Variants in EPB41 observed in about 807,000 individuals in gnomAD.
The protein encoded by EPB41 is erythrocyte membrane protein band 4.1, also known as protein 4.1.
Under a neutral mutation model 108.0 loss-of-function variants are expected in EPB41, and 65 were observed. That is an observed-to-expected ratio of 0.60 (90% CI 0.49 to 0.74). The LOEUF is 0.74. EPB41 is among the 30% of genes least tolerant of loss of function. EPB41 has a pLI of 0.00. For missense variants in EPB41, 875 were observed against 1,037.0 expected (o/e 0.84, Z 2.15); for synonymous variants, 336 against 358.9 (o/e 0.94, Z 0.72).
chr1:28,995,556 G>A (rs925780974), intron 3 of EPB41, among the ~76,000 whole-genome samples: 2 of 152,086 alleles, frequency 1.3e-5, no homozygotes, highest in East Asian at 1.9e-4. Flanking sequence ...GTGAGACTCC[G>A]TCTCAAAACA....
chr1:28,925,634 A>C (rs2093404943), intron 1 of EPB41, among the ~76,000 whole-genome samples: 1 of 152,164 alleles, frequency 6.6e-6, no homozygotes, highest in African/African-American at 2.4e-5. Flanking sequence ...GGGGAAGAGC[A>C]TCCCAGGCAG....
chr1:29,040,270 T>C (rs1163646676), intron 11 of EPB41, among the ~76,000 whole-genome samples: 1 of 152,008 alleles, frequency 6.6e-6, no homozygotes. Flanking sequence ...CAACAATCTT[T>C]TTTTTTTTCT....
intron 1 of EPB41, among the ~76,000 whole-genome samples, chr1:28,929,173 G>A (rs552004978): frequency 2.6e-5 from 4 of 151,846 alleles, no homozygotes; most frequent in African/African-American, 7.2e-5. Context: ...AATCTCACTG[G>A]TACTTGACTT....
intron 11 of EPB41, among the ~76,000 whole-genome samples, chr1:29,045,387 T>G (rs1166513296): frequency 1.3e-5 from 2 of 152,094 alleles, no homozygotes; most frequent in Non-Finnish European, 1.5e-5. Context: ...AGGGTCTCAC[T>G]CTGTCATCCA....
chr1:28,966,153 T>G (rs1277128975), intron 1 of EPB41, among the ~76,000 whole-genome samples: 2 of 150,690 alleles, frequency 1.3e-5, no homozygotes, highest in Non-Finnish European at 3.0e-5. Flanking sequence ...GCCTTTGCAT[T>G]CCAGCCTGGG....
At chr1:29,030,329 A>T in intron 7 of EPB41, 71 bp from the exon 8 acceptor site, 1 of 1,164,492 alleles carries the variant, frequency 8.6e-7, no homozygotes, top group Non-Finnish European at 1.3e-6. Context: ...AAATACAGTG[A>T]ATATATAAAT....
At chr1:29,055,953 A>G (rs1401875188) in intron 12 of EPB41, among the ~76,000 whole-genome samples, 2 of 122,302 alleles carry the variant, frequency 1.6e-5, no homozygotes, top group East Asian at 2.7e-4. Flanking sequence ...AAAAAAAAAA[A>G]GGGCCGGGCG....
chr1:28,935,833 C>A (rs909531876), intron 1 of EPB41, among the ~76,000 whole-genome samples: 2 of 151,504 alleles, frequency 1.3e-5, no homozygotes, highest in Non-Finnish European at 2.9e-5. Flanking sequence ...GCAGGAGAAT[C>A]GCTTGAACCA....
chr1:28,893,868 C>G (rs1178782620), intron 1 of EPB41: 1 of 152,262 alleles, frequency 6.6e-6, no homozygotes, highest in Non-Finnish European at 1.5e-5. Flanking sequence ...ATGACTGCCA[C>G]ATGAGCTGAT....
chr1:29,029,825 A>G (rs1373215345), intron 7 of EPB41, among the ~76,000 whole-genome samples: 1 of 152,214 alleles, frequency 6.6e-6, no homozygotes, highest in East Asian at 1.9e-4. Flanking sequence ...TATTTTGTTT[A>G]TATCAGTGGG....
At chr1:29,039,807 C>G (rs1274715776) in intron 11 of EPB41, among the ~76,000 whole-genome samples, 1 of 150,702 alleles carries the variant, frequency 6.6e-6, no homozygotes, top group African/African-American at 2.4e-5. Context: ...GAGTGGGACT[C>G]TGTCTCAAAA....
intron 1 of EPB41, among the ~76,000 whole-genome samples, chr1:28,960,210 C>T (rs940082978): frequency 6.6e-6 from 1 of 151,404 alleles, no homozygotes; most frequent in Non-Finnish European, 1.5e-5. Context: ...GGCGTCTCAT[C>T]ATGTTACCCA....
chr1:28,960,579 A>C (rs1223008317), intron 1 of EPB41, among the ~76,000 whole-genome samples: 1 of 150,954 alleles, frequency 6.6e-6, no homozygotes, highest in Non-Finnish European at 1.5e-5. Flanking sequence ...AAAAAAAAAA[A>C]AAACTTAAAA....
chr1:29,072,997 G>C (rs1652180168), intron 16 of EPB41: 1 of 151,518 alleles, frequency 6.6e-6, no homozygotes, highest in African/African-American at 2.4e-5. Flanking sequence ...TGTAATCCGA[G>C]CTACTTGGGA....
chr1:29,096,073 A>C, intron 16 of EPB41: 1 of 886,472 alleles, frequency 1.1e-6, no homozygotes, highest in Non-Finnish European at 1.4e-6. Context: ...TGAGGCTTCC[A>C]AAAATCATTG....
chr1:29,051,126 T>C (rs1368638398), intron 11 of EPB41, among the ~76,000 whole-genome samples: 3 of 115,150 alleles, frequency 2.6e-5, no homozygotes, highest in African/African-American at 1.0e-4. Flanking sequence ...TTGGAGACAG[T>C]CTGGCTCTGT....
intron 1 of EPB41, among the ~76,000 whole-genome samples, chr1:28,906,739 G>C (rs1282388363): frequency 6.6e-6 from 1 of 152,026 alleles, no homozygotes; most frequent in Non-Finnish European, 1.5e-5. Context: ...CCTAGTTTAA[G>C]CTGCGATGTT....
chr1:29,032,011 A>G (rs901488913), intron 8 of EPB41: 4 of 149,210 alleles, frequency 2.7e-5, no homozygotes, highest in Non-Finnish European at 5.9e-5. Flanking sequence ...AGGTGGGAGG[A>G]TTGCTTGAGC....
intron 1 of EPB41, among the ~76,000 whole-genome samples, chr1:28,969,762 G>T (rs1210316384): frequency 6.6e-6 from 1 of 152,110 alleles, no homozygotes. Flanking sequence ...TTAGCCGGGC[G>T]TGGCGGTGGG....
Sources: allele counts gnomAD v4.1 joint callset (sites outside exome capture counted in the v4.1 genomes callset), GRCh38; gene constraint gnomAD v4.1.1; transcripts MANE v1.5; gene names NCBI Gene and HGNC (gene_info 2026-07-23, HGNC 2026-07-21).